Variants in EIF3L observed in about 807,000 individuals in gnomAD.
EIF3L encodes the protein eIEF associated protein HSPC021.
A neutral mutation model predicts 74.6 loss-of-function variants in EIF3L; 32 were observed. That is an observed-to-expected ratio of 0.43 (90% CI 0.32 to 0.58). EIF3L has a LOEUF of 0.58. EIF3L is among the 20% of genes least tolerant of loss of function. The pLI is 0.06. For missense variants in EIF3L, 474 were observed against 707.8 expected (o/e 0.67, Z 3.75); for synonymous variants, 256 against 254.4 (o/e 1.01, Z -0.06).
At chr22:37,852,138 G>A (rs568588221) in intron 3 of EIF3L, among the ~76,000 whole-genome samples, 51 of 152,184 alleles carry the variant, frequency 3.4e-4, no homozygotes, top group African/African-American at 1.1e-3. Flanking sequence ...TTTATACAAA[G>A]CCTAAAATAA....
At chr22:37,857,401 A>G (rs1925585591) in intron 4 of EIF3L, among the ~76,000 whole-genome samples, 3 of 146,314 alleles carry the variant, frequency 2.1e-5, no homozygotes, top group South Asian at 2.2e-4. Flanking sequence ...AACCAATATT[A>G]AGTCCTCCAA....
intron 7 of EIF3L, among the ~76,000 whole-genome samples, chr22:37,864,327 C>A (rs904354007): frequency 6.6e-6 from 1 of 151,998 alleles, no homozygotes; most frequent in African/African-American, 2.4e-5. Context: ...AGTGAGCCAC[C>A]ATGCCTAGCC....
At chr22:37,877,571 GT>G in intron 10 of EIF3L, 102 bp from the exon 11 acceptor site, 1 of 1,378,538 alleles carries the variant, frequency 7.3e-7, no homozygotes, top group South Asian at 1.4e-5. Flanking sequence ...AAACAACTGG[GT>G]AAGTCAAAGA....
chr22:37,888,828 C>T lies in EIF3L; in HGVS notation c.*364C>T, dbSNP rs1366535449. ...CGTGATCTCAGTTCGTTGCATCCTC[C>T]GCTGCCCAGGTTCAAGCAGTTCTGC... is the stretch of plus-strand genomic sequence containing the variant. On this transcript the variant is annotated 3_prime_UTR_variant, in exon 13 of 13. Coordinates refer to ENST00000652021, the MANE Select transcript of EIF3L (RefSeq NM_016091.4). 9.2e-6 allele frequency: 2 copies of T among 216,572 alleles called. No homozygotes were observed. Among genetic ancestry groups the T allele is most frequent in the Non-Finnish European group, 1.8e-5 (2 of 109,148 alleles). 13.4% of individuals were successfully genotyped at this position (216,572 alleles called of 1,614,324 possible).
In EIF3L at chr22:37,888,680, T is replaced by C. The variant is rs1003849792; in HGVS notation, c.*216T>C. On this transcript the variant is annotated 3_prime_UTR_variant, in exon 13 of 13. Transcript: ENST00000652021. ...GAGAATTTGTGGGTTGTGGCAGTAATACATTTCCCATGTGTCCTGATGCTT... is the reference window on the plus strand; with the variant it reads ...GAGAATTTGTGGGTTGTGGCAGTAACACATTTCCCATGTGTCCTGATGCTT... 1.7e-6 allele frequency: 1 copy of C among 579,022 alleles called. No individual in the cohort carries two copies. Among genetic ancestry groups the C allele is most frequent in the Non-Finnish European group, 3.1e-6 (1 of 324,904 alleles). 35.9% of individuals were successfully genotyped at this position (579,022 alleles called of 1,614,324 possible).
intron 5 of EIF3L, among the ~76,000 whole-genome samples, chr22:37,861,259 T>C (rs879424639): frequency 1.3e-5 from 2 of 152,088 alleles, no homozygotes; most frequent in African/African-American, 2.4e-5. Flanking sequence ...CCGCTTGATA[T>C]GGCTAGAACT....
intron 7 of EIF3L, among the ~76,000 whole-genome samples, chr22:37,868,460 T>C (rs1299307138): frequency 2.0e-5 from 3 of 150,084 alleles, no homozygotes; most frequent in South Asian, 4.2e-4. Context: ...ATATTCTTTT[T>C]TTTTCCCCCC....
At chr22:37,870,588 A>C (rs1926418034) in intron 8 of EIF3L, among the ~76,000 whole-genome samples, 1 of 152,170 alleles carries the variant, frequency 6.6e-6, no homozygotes, top group Admixed American at 6.6e-5. Context: ...GTTTGTAAAC[A>C]CTTCTGTGTC....
intron 5 of EIF3L, among the ~76,000 whole-genome samples, chr22:37,861,598 C>T (rs1282325479): frequency 5.3e-5 from 8 of 151,916 alleles, no homozygotes; most frequent in African/African-American, 1.9e-4. Flanking sequence ...ACGGAAGAAT[C>T]ACTTGACCCC....
chr22:37,851,252 C>G lies in EIF3L; in HGVS notation c.83-28C>G, dbSNP rs552381445. ...TATCATATATGTGGGTTTGAGCATA[C>G]TCTGTATTTGTTGTATCCAACCTCC... On this transcript the variant is annotated intron_variant, in intron 2 of 12. Coordinates refer to ENST00000652021, the MANE Select transcript of EIF3L (RefSeq NM_016091.4). 213 of 1,601,530 alleles carry G rather than the reference C, an allele frequency of 1.3e-4. 1 individual carries two copies. In the East Asian group the frequency reaches 4.7e-3, roughly 35 times the overall value.
chr22:37,849,772 G>T, intron 1 of EIF3L: 1 of 608,014 alleles, frequency 1.6e-6, no homozygotes, highest in South Asian at 2.1e-5. Context: ...GCTCCGTCTG[G>T]TCAAATCTCG....
At chr22:37,853,501 G>T (rs1449340541) in intron 3 of EIF3L, among the ~76,000 whole-genome samples, 1 of 152,198 alleles carries the variant, frequency 6.6e-6, no homozygotes, top group Non-Finnish European at 1.5e-5. Flanking sequence ...GGGCATGGTG[G>T]CAGCATGCCT....
intron 7 of EIF3L, among the ~76,000 whole-genome samples, chr22:37,866,567 C>T (rs367608712): frequency 9.4e-4 from 143 of 152,174 alleles, no homozygotes; most frequent in African/African-American, 3.2e-3. Context: ...GGGTGGATCA[C>T]GAGGTCAGGA....
At chr22:37,875,539 A>G (rs1041920975) in intron 9 of EIF3L, among the ~76,000 whole-genome samples, 2 of 152,190 alleles carry the variant, frequency 1.3e-5, no homozygotes, top group Admixed American at 6.5e-5. Context: ...TTCCCTGTCC[A>G]AAAGGACTTA....
chr22:37,876,142 G>T (rs935677220), intron 10 of EIF3L, 131 bp downstream of exon 10: 2 of 958,008 alleles, frequency 2.1e-6, no homozygotes, highest in Admixed American at 5.6e-5. Flanking sequence ...ACTGTAGAGC[G>T]CTCTGTGATT....
At chr22:37,851,249 A>G (rs775865320) in intron 2 of EIF3L, 31 bp from the exon 3 acceptor site, 1 of 1,595,904 alleles carries the variant, frequency 6.3e-7, no homozygotes, top group Non-Finnish European at 8.6e-7. Context: ...GGGTTTGAGC[A>G]TACTCTGTAT....
chr22:37,868,923 T>G (rs563334882), intron 7 of EIF3L, among the ~76,000 whole-genome samples: 1 of 151,798 alleles, frequency 6.6e-6, no homozygotes, highest in Non-Finnish European at 1.5e-5. Context: ...ATTACAGGCA[T>G]GAGCCACCGC....
At chr22:37,864,196 A>C (rs1249308295) in intron 7 of EIF3L, among the ~76,000 whole-genome samples, 1 of 152,132 alleles carries the variant, frequency 6.6e-6, no homozygotes, top group Admixed American at 6.6e-5. Context: ...AGCTGCCACT[A>C]CAAGGCCCAC....
At chr22:37,856,310 C>G (rs1018419651) in intron 4 of EIF3L, among the ~76,000 whole-genome samples, 1 of 152,084 alleles carries the variant, frequency 6.6e-6, no homozygotes, top group Non-Finnish European at 1.5e-5. Context: ...CTGCTGACGT[C>G]AGGTGATTCG....
Sources: gnomAD v4.1 joint callset for allele counts (sites outside exome capture counted in the v4.1 genomes callset) on GRCh38, gnomAD v4.1.1 for gene constraint, MANE v1.5 for transcripts, NCBI Gene and HGNC (gene_info 2026-07-23, HGNC 2026-07-21) for gene names.